The following JRK variants were observed in gnomAD, a reference collection of about 807,000 sequenced individuals.
JRK encodes the protein jerky protein homolog.
For missense variants in JRK, 720 were observed against 509.2 expected (o/e 1.41, Z -3.98); for synonymous variants, 303 against 218.1 (o/e 1.39, Z -3.43).
chr8:142,660,075 G>A lies in JRK; in HGVS notation c.*4277C>T. Reference sequence around the variant, plus strand: ...TGCCATGGCTGCAGCTCCTGGCCCTGCGGACAGCCAGGCCTGGGGTCTACA... The same window carrying A: ...TGCCATGGCTGCAGCTCCTGGCCCTACGGACAGCCAGGCCTGGGGTCTACA... On this transcript the variant is annotated 3_prime_UTR_variant, in exon 2 of 2. Coordinates refer to ENST00000612905, the MANE Select transcript of JRK (RefSeq NM_003724.4). 2 of 985,864 alleles carry A rather than the reference G, an allele frequency of 2.0e-6. No homozygotes were observed. The highest frequency in any genetic ancestry group is 4.7e-5 in the South Asian group (1 of 21,300). The allele number at this position is 985,864 out of a possible 1,614,324, so 61.1% of individuals were successfully genotyped here.
chr8:142,644,596 T>C, the JRK span, among the ~76,000 whole-genome samples: 1 of 152,218 alleles, frequency 6.6e-6, no homozygotes, highest in Non-Finnish European at 1.5e-5. Flanking sequence ...ATAATTTGAT[T>C]TTGGAAAGTT....
rs1846845137 is a variant in JRK at position 142,659,467 on chromosome 8, T to A, written c.*4885A>T. 3.0e-6 allele frequency: 3 copies of A among 986,356 alleles called. No individual in the cohort carries two copies. The African/African-American group carries it at 5.2e-5, about 17-fold the overall frequency. 61.1% of individuals were successfully genotyped at this position (986,356 alleles called of 1,614,324 possible). A position where few individuals can be genotyped will look rare whatever the true frequency, so the allele number is the denominator to read the frequency against. On this transcript the variant is annotated 3_prime_UTR_variant, in exon 2 of 2. Transcript: ENST00000612905. The stretch of plus-strand genomic sequence containing the variant: ...TAGCTTGCTTCCCAGCCAGCCTGGG[T>A]GTGGAAATGGCCGTGCTGACAGGCT...
chr8:142,654,808 G>A (rs587758179), downstream of JRK, among the ~76,000 whole-genome samples: 1 of 152,116 alleles, frequency 6.6e-6, no homozygotes, highest in Admixed American at 6.5e-5. Flanking sequence ...CTGCAGCCAA[G>A]AGCCTTGAGC....
Position 142,665,932 on chromosome 8 carries a change from G to C in JRK, c.127C>G (p.Gln43Glu), listed in dbSNP as rs782199809. ...GTGGACATGCCCACATTGTACTCCTGCATCAGTGCCTTCCGGCTCTCGCCC... is the reference window on the plus strand; with the variant it reads ...GTGGACATGCCCACATTGTACTCCTCCATCAGTGCCTTCCGGCTCTCGCCC... ...EKGESRKALM[Q>E]EYNVGMSTLY... The change falls in exon 2 of 2, where the codon CAG becomes GAG. Residue 43 changes from glutamine to glutamate, a missense_variant. By Grantham distance (29) the Gln-to-Glu change is conservative. Coordinates refer to ENST00000612905, the MANE Select transcript of JRK (RefSeq NM_003724.4). 3.6e-6 allele frequency: 3 copies of C among 829,874 alleles called. No homozygotes were observed. The highest frequency in any genetic ancestry group is 6.5e-6 in the Non-Finnish European group (3 of 463,362). 51.4% of individuals were successfully genotyped at this position (829,874 alleles called of 1,614,324 possible).
chr8:142,660,462 G>C lies in JRK; in HGVS notation c.*3890C>G. 1.0e-6 allele frequency: 1 copy of C among 968,472 alleles called. No individual in the cohort carries two copies. The highest frequency in any genetic ancestry group is 1.2e-6 in the Non-Finnish European group (1 of 814,408). 60.0% of individuals were successfully genotyped at this position (968,472 alleles called of 1,614,324 possible). A position where few individuals can be genotyped will look rare whatever the true frequency, so the allele number is the denominator to read the frequency against. ...ACTCTGTCACCCAGGCTGGAGTGCA[G>C]AGGCCATAACTCACTGCAGCCTCAA... On this transcript the variant is annotated 3_prime_UTR_variant, in exon 2 of 2. Transcript: ENST00000612905.
Position 142,664,895 on chromosome 8 carries a change from C to A in JRK, c.1164G>T (p.Ser388=). 1 of 1,197,748 alleles carries A rather than the reference C, an allele frequency of 8.3e-7. No homozygotes were observed. Among genetic ancestry groups the A allele is most frequent in the Non-Finnish European group, 1.2e-6 (1 of 804,132 alleles). The allele number at this position is 1,197,748 out of a possible 1,614,324, so 74.2% of individuals were successfully genotyped here. A position where few individuals can be genotyped will look rare whatever the true frequency, so the allele number is the denominator to read the frequency against. ...FRRAWRKLWP[S]VAFAEGSSSE... ...AGGAGGAGCCTTCGGCAAACGCAACCGACGGCCACAGCTTCCTCCAGGCCC... is the reference window on the plus strand; with the variant it reads ...AGGAGGAGCCTTCGGCAAACGCAACAGACGGCCACAGCTTCCTCCAGGCCC... Residue 388 remains serine, a synonymous_variant, in exon 2 of 2, where the codon TCG becomes TCT. Coordinates refer to ENST00000612905, the MANE Select transcript of JRK (RefSeq NM_003724.4).
rs1554635760 is a variant in JRK, at chr8:142,665,561, A to G, written c.498T>C (p.Cys166=). 2.8e-6 allele frequency: 2 copies of G among 718,498 alleles called. No homozygotes were observed. Among genetic ancestry groups the G allele is most frequent in the Admixed American group, 2.0e-5 (1 of 50,022 alleles). The allele number at this position is 718,498 out of a possible 1,614,324, so 44.5% of individuals were successfully genotyped here. The part of the protein sequence containing the change: ...SADHQAAEQF[C]AFFRSLAAEH... Reference sequence around the variant, plus strand: ...CAGCAGCCAAGCTCCTGAAAAACGCACAGAACTGCTCCGCGGCCTGGTGGT... The same window carrying G: ...CAGCAGCCAAGCTCCTGAAAAACGCGCAGAACTGCTCCGCGGCCTGGTGGT... The change falls in exon 2 of 2, where the codon TGT becomes TGC. Residue 166 remains cysteine (C), a synonymous_variant. Transcript: ENST00000612905.
chr8:142,655,959 C>G (rs1554633604), downstream of JRK, among the ~76,000 whole-genome samples: 2 of 152,198 alleles, frequency 1.3e-5, no homozygotes, highest in African/African-American at 2.4e-5. Context: ...CCATTTGAGG[C>G]AATATTGGCT....
In JRK at chr8:142,668,158, C is replaced by G. The variant is rs1440405931; in HGVS notation, c.-462-1638G>C. ...GGAGTTCCCACCTCCCTCCCGCGTC[C>G]TTACCATAGCTGCTTCTGCCAACTC... On this transcript the variant is annotated intron_variant, in intron 1 of 1. Transcript: ENST00000612905. Among the ~76,000 whole-genome samples, 3 of 152,258 alleles carry G rather than the reference C, an allele frequency of 2.0e-5. No homozygotes were observed. The East Asian group carries it at 5.8e-4, about 29-fold the overall frequency.
the JRK span, among the ~76,000 whole-genome samples, chr8:142,646,158 A>T: frequency 2.6e-5 from 4 of 152,240 alleles, no homozygotes; most frequent in Non-Finnish European, 5.9e-5. Flanking sequence ...TAAATTATTT[A>T]TGAAAACTAC....
chr8:142,665,109 G>A lies in JRK; in HGVS notation c.950C>T (p.Thr317Ile), dbSNP rs782715171. The A allele has an allele frequency of 5.6e-6, 4 of 717,990 alleles. No homozygotes were observed. The South Asian group carries it at 5.9e-5, about 11-fold the overall frequency. 44.5% of individuals were successfully genotyped at this position (717,990 alleles called of 1,614,324 possible). A position where few individuals can be genotyped will look rare whatever the true frequency, so the allele number is the denominator to read the frequency against. ...EAELVSSNVF[T>I]IFLPASVASL... is the part of the protein sequence containing the mutation. ...GGCCACGCTGGCAGGCAGGAAGATGGTGAAAACGTTACTGGACACCAGCTC... is the reference window on the plus strand; with the variant it reads ...GGCCACGCTGGCAGGCAGGAAGATGATGAAAACGTTACTGGACACCAGCTC... The change falls in exon 2 of 2, where the codon ACC becomes ATC. Residue 317 changes from threonine (T) to isoleucine (I), a missense_variant. Physicochemically the swap from Thr to Ile is moderately conservative, Grantham distance 89. Coordinates refer to ENST00000612905, the MANE Select transcript of JRK (RefSeq NM_003724.4).
the JRK span, among the ~76,000 whole-genome samples, chr8:142,650,364 A>C: frequency 2.0e-5 from 3 of 152,032 alleles, no homozygotes; most frequent in Admixed American, 2.0e-4. Flanking sequence ...GATTGGTTTC[A>C]AAATGTGAGG....
Position 142,666,029 on chromosome 8 carries a change from G to T in JRK, c.30C>A (p.Ser10Arg), listed in dbSNP as rs374156530. 4.3e-5 allele frequency: 67 copies of T among 1,558,068 alleles called. No individual in the cohort carries two copies. The Middle Eastern group carries it at 5.0e-4, about 12-fold the overall frequency. The change falls in exon 2 of 2, where the codon AGC (serine) becomes AGA (arginine). Residue 10 changes from serine to arginine, a missense_variant. Transcript: ENST00000612905. MASKPAAGK[S>R]RGEKRKRVVL... ...CCACCCTCTTCCGCTTCTCCCCTCTGCTCTTCCCGGCAGCCGGCTTGGAGG... is the reference window on the plus strand; with the variant it reads ...CCACCCTCTTCCGCTTCTCCCCTCTTCTCTTCCCGGCAGCCGGCTTGGAGG...
Position 142,662,637 on chromosome 8 carries a change from A to C in JRK, c.*1715T>G. On this transcript the variant is annotated 3_prime_UTR_variant, in exon 2 of 2. Coordinates refer to ENST00000612905, the MANE Select transcript of JRK (RefSeq NM_003724.4). ...TTCAAAGCAAGAAACACACACTTCC[A>C]GGACATAGATAGGGCTCTGTCAGCA... 2 of 985,434 alleles carry C rather than the reference A, an allele frequency of 2.0e-6. No individual in the cohort carries two copies. Among genetic ancestry groups the C allele is most frequent in the Non-Finnish European group, 2.4e-6 (2 of 829,944 alleles). 61.0% of individuals were successfully genotyped at this position (985,434 alleles called of 1,614,324 possible).
In JRK at chr8:142,658,282, T is replaced by C. The variant is rs1846802467; in HGVS notation, c.*6070A>G. 6.6e-6 allele frequency: 1 copy of C among 152,270 alleles called. No individual in the cohort carries two copies. Among genetic ancestry groups the C allele is most frequent in the Non-Finnish European group, 1.5e-5 (1 of 68,080 alleles). The allele number at this position is 152,270 out of a possible 1,614,324, so 9.4% of individuals were successfully genotyped here. On this transcript the variant is annotated 3_prime_UTR_variant, in exon 2 of 2. Coordinates refer to ENST00000612905, the MANE Select transcript of JRK (RefSeq NM_003724.4). ...GGCTAGGTGTCTTAAACAACATAAA[T>C]TAATTTTTCACAGATCTGGGGACTG...
rs1554634074 is a variant in JRK at position 142,658,757 on chromosome 8, T to A, written c.*5595A>T. The stretch of plus-strand genomic sequence containing the variant: ...GTCCTTAACACCATCGTCATGGAGA[T>A]GGAGGCCACAGACCTACCAACACCC... On this transcript the variant is annotated 3_prime_UTR_variant, in exon 2 of 2. Transcript: ENST00000612905. 2 of 1,512,462 alleles carry A rather than the reference T, an allele frequency of 1.3e-6. No homozygotes were observed. The highest frequency in any genetic ancestry group is 2.5e-5 in the East Asian group (1 of 40,164). The allele number at this position is 1,512,462 out of a possible 1,614,324, so 93.7% of individuals were successfully genotyped here. A position where few individuals can be genotyped will look rare whatever the true frequency, so the allele number is the denominator to read the frequency against.
chr8:142,653,902 A>G (rs1466616052), downstream of JRK, among the ~76,000 whole-genome samples: 1 of 152,224 alleles, frequency 6.6e-6, no homozygotes, highest in Non-Finnish European at 1.5e-5. Flanking sequence ...TTAAGTAATA[A>G]GAAAACTCCA....
Position 142,666,505 on chromosome 8 carries a change from C to T in JRK, c.-447G>A, listed in dbSNP as rs1427158257. 7.1e-6 allele frequency: 2 copies of T among 283,298 alleles called. No homozygotes were observed. Among genetic ancestry groups the T allele is most frequent in the Admixed American group, 9.5e-5 (2 of 21,112 alleles). The allele number at this position is 283,298 out of a possible 1,614,324, so 17.5% of individuals were successfully genotyped here. On this transcript the variant is annotated 5_prime_UTR_variant, in exon 2 of 2. Transcript: ENST00000612905. ...CAGGGTCCACAATGGTATCTCCAGG[C>T]ACAGCACTTCAGGGGCTGGAAAGCA...
Position 142,659,548 on chromosome 8 carries a change from G to A in JRK, c.*4804C>T. ...GGCCTCCCACAATCTGCCCCTGGGT[G>A]CAGGGCCTTGAGCAGGGAGGCCATC... On this transcript the variant is annotated 3_prime_UTR_variant, in exon 2 of 2. Coordinates refer to ENST00000612905, the MANE Select transcript of JRK (RefSeq NM_003724.4). 2 of 985,734 alleles carry A rather than the reference G, an allele frequency of 2.0e-6. No homozygotes were observed. The highest frequency in any genetic ancestry group is 2.4e-6 in the Non-Finnish European group (2 of 830,150). The allele number at this position is 985,734 out of a possible 1,614,324, so 61.1% of individuals were successfully genotyped here.
Sources: gnomAD v4.1 joint callset for allele counts (sites outside exome capture counted in the v4.1 genomes callset) on GRCh38, gnomAD v4.1.1 for gene constraint, MANE v1.5 for transcripts, NCBI Gene and HGNC (gene_info 2026-07-23, HGNC 2026-07-21) for gene names.